Variants in OSBPL3 observed in about 807,000 individuals in gnomAD.
OSBPL3 encodes the protein oxysterol binding protein like 3.
OSBPL3 carries 65 observed loss-of-function variants against 120.1 expected under a neutral mutation model. That is an observed-to-expected ratio of 0.54 (90% confidence interval 0.44 to 0.67). OSBPL3 has a LOEUF of 0.67. Among genes scored for constraint, OSBPL3 ranks in the 30% least tolerant of loss-of-function variants. The pLI is 0.00. For synonymous variants in OSBPL3, 416 were observed against 402.6 expected (o/e 1.03, Z -0.40); for missense variants, 1,004 against 1,082.1 (o/e 0.93, Z 1.01).
chr7:24,800,162 T>C lies in OSBPL3; in HGVS notation c.*21A>G, dbSNP rs375794053. The stretch of plus-strand genomic sequence containing the variant: ...CAAGCACAGGAGAAATACACTAATG[T>C]TATCTTTCTTCTTTACTTTTTCACC... On this transcript the variant is annotated 3_prime_UTR_variant, in exon 23 of 23. Transcript: ENST00000313367. 24 of 1,356,420 alleles carry C rather than the reference T, an allele frequency of 1.8e-5. No homozygotes were observed. The African/African-American group carries it at 2.4e-4, about 14-fold the overall frequency. The allele number at this position is 1,356,420 out of a possible 1,614,324, so 84.0% of individuals were successfully genotyped here.
chr7:24,907,991 A>C (rs1365377226), intron 1 of OSBPL3, among the ~76,000 whole-genome samples: 1 of 152,122 alleles, frequency 6.6e-6, no homozygotes, highest in Non-Finnish European at 1.5e-5. Flanking sequence ...TTTACTGTTC[A>C]CTGGAATCAT....
intron 1 of OSBPL3, among the ~76,000 whole-genome samples, chr7:24,974,121 G>C (rs1817319220): frequency 6.6e-6 from 1 of 152,142 alleles, no homozygotes; most frequent in Non-Finnish European, 1.5e-5. Flanking sequence ...GCGCTTCTCA[G>C]TAAGGACTAG....
intron 1 of OSBPL3, among the ~76,000 whole-genome samples, chr7:24,970,227 C>T (rs2128536430): frequency 6.6e-6 from 1 of 151,394 alleles, no homozygotes; most frequent in East Asian, 1.9e-4. Context: ...TCTGCCTCAG[C>T]CTCCGAGTAG....
In OSBPL3 at chr7:24,842,316, T is replaced by A. The variant is rs1438814407; in HGVS notation, c.1364A>T (p.Gln455Leu). 1 of 1,613,844 alleles carries A rather than the reference T, an allele frequency of 6.2e-7. No individual in the cohort carries two copies. Among genetic ancestry groups the A allele is most frequent in the Non-Finnish European group, 8.5e-7 (1 of 1,179,908 alleles). ...TDSLSEFFDA[Q>L]EVLLSPSSSE... Reference sequence around the variant, plus strand: ...AGAGCTTGGAGATAACAGAACTTCCTGAGCATCAAAAAACTCAGAAAGGGA... The same window carrying A: ...AGAGCTTGGAGATAACAGAACTTCCAGAGCATCAAAAAACTCAGAAAGGGA... Residue 455 changes from glutamine (Q) to leucine (L), a missense_variant, in exon 13 of 23, where the codon CAG becomes CTG. Gln to Leu is a moderately radical substitution (Grantham distance 113). Transcript: ENST00000313367.
Position 24,798,032 on chromosome 7 carries a change from T to C in OSBPL3, c.*2151A>G, listed in dbSNP as rs1246898826. ...GTTTAAATTTCAGAAAAGCCCTTTA[T>C]AGATGCTAGTACTGACTAGATTTTA... is the stretch of plus-strand genomic sequence containing the variant. On this transcript the variant is annotated 3_prime_UTR_variant, in exon 23 of 23. Transcript: ENST00000313367. The surrounding 1 kb of genome is among the most constrained non-coding windows in gnomAD (Gnocchi z 4.6). 1 of 152,330 alleles carries C rather than the reference T, an allele frequency of 6.6e-6. No homozygotes were observed. The highest frequency in any genetic ancestry group is 6.5e-5 in the Admixed American group (1 of 15,302). 9.4% of individuals were successfully genotyped at this position (152,330 alleles called of 1,614,324 possible). A position where few individuals can be genotyped will look rare whatever the true frequency, so the allele number is the denominator to read the frequency against.
At chr7:24,845,886 A>G (rs1346323491) in intron 12 of OSBPL3, among the ~76,000 whole-genome samples, 1 of 152,198 alleles carries the variant, frequency 6.6e-6, no homozygotes, top group Non-Finnish European at 1.5e-5. Context: ...GTGGGTAGTG[A>G]GTGCCTATAA....
intron 1 of OSBPL3, among the ~76,000 whole-genome samples, chr7:24,914,574 G>A (rs1276742064): frequency 1.3e-5 from 2 of 151,732 alleles, no homozygotes; most frequent in Non-Finnish European, 2.9e-5. Context: ...ACACATTTCT[G>A]CCTCCTGAAA....
chr7:24,953,825 AG>A lies in OSBPL3; in HGVS notation c.-150+26060del. On this transcript the variant is annotated intron_variant, in intron 1 of 22. Coordinates refer to ENST00000313367, the MANE Select transcript of OSBPL3 (RefSeq NM_015550.4). The surrounding 1 kb of genome is among the most constrained non-coding windows in gnomAD (Gnocchi z 4.3). ...CATTAAATGTTCAACGGCATGAACT[AG>A]AAGCAGGCAGCATGTATCCCAGGAA... Among the ~76,000 whole-genome samples the A allele has an allele frequency of 6.6e-6, 1 of 152,382 alleles. No homozygotes were observed. Among genetic ancestry groups the A allele is most frequent in the South Asian group, 2.1e-4 (1 of 4,826 alleles).
At chr7:24,880,915 A>C (rs1803590327) in intron 2 of OSBPL3, among the ~76,000 whole-genome samples, 1 of 152,204 alleles carries the variant, frequency 6.6e-6, no homozygotes, top group Admixed American at 6.5e-5. Context: ...TAATTTAAAA[A>C]AAACCTTTCA....
At chr7:24,843,729 GC>G (rs1390794174) in intron 12 of OSBPL3, among the ~76,000 whole-genome samples, 1 of 152,088 alleles carries the variant, frequency 6.6e-6, no homozygotes, top group East Asian at 1.9e-4. Flanking sequence ...TGAAAACCAA[GC>G]CTCTTCTCTA....
At chr7:24,846,623 T>C (rs181863308) in intron 12 of OSBPL3, among the ~76,000 whole-genome samples, 125 of 152,252 alleles carry the variant, frequency 8.2e-4, no homozygotes, top group African/African-American at 2.6e-3. Flanking sequence ...ACTGATAACT[T>C]GATAATATTA....
Position 24,831,231 on chromosome 7 carries a change from A to C in OSBPL3, c.1747-326T>G, listed in dbSNP as rs1796328968. On this transcript the variant is annotated intron_variant, in intron 15 of 22. Transcript: ENST00000313367. The surrounding 1 kb of genome is among the most constrained non-coding windows in gnomAD (Gnocchi z 4.0). Reference sequence around the variant, plus strand: ...GCTGAGTCCAGTACTTTTAAGCCTGACAGTATCTGAGGATCCTAATATGGT... The same window carrying C: ...GCTGAGTCCAGTACTTTTAAGCCTGCCAGTATCTGAGGATCCTAATATGGT... Among the ~76,000 whole-genome samples the C allele has an allele frequency of 6.6e-6, 1 of 152,176 alleles. No individual in the cohort carries two copies. Among genetic ancestry groups the C allele is most frequent in the Non-Finnish European group, 1.5e-5 (1 of 68,026 alleles).
chr7:24,840,724 G>A lies in OSBPL3; in HGVS notation c.1461C>T (p.Leu487=). The change falls in exon 14 of 23, where the codon CTC becomes CTT. Residue 487 remains leucine, a synonymous_variant. Transcript: ENST00000313367. ...GTCTCTCATTATCTAAATCATTACT[G>A]AGATTATCTAAGGAAAGATTATCAC... ...DISDNLSLDN[L]SNDLDNERQT... The A allele has an allele frequency of 6.9e-7, 1 of 1,457,426 alleles. No individual in the cohort carries two copies. The highest frequency in any genetic ancestry group is 9.4e-7 in the Non-Finnish European group (1 of 1,060,126). The allele number at this position is 1,457,426 out of a possible 1,614,324, so 90.3% of individuals were successfully genotyped here.
Position 24,798,960 on chromosome 7 carries a change from G to T in OSBPL3, c.*1223C>A, listed in dbSNP as rs528853895. 1 of 152,512 alleles carries T rather than the reference G, an allele frequency of 6.6e-6. No homozygotes were observed. Among genetic ancestry groups the T allele is most frequent in the Non-Finnish European group, 1.5e-5 (1 of 68,010 alleles). The allele number at this position is 152,512 out of a possible 1,614,324, so 9.4% of individuals were successfully genotyped here. A position where few individuals can be genotyped will look rare whatever the true frequency, so the allele number is the denominator to read the frequency against. On this transcript the variant is annotated 3_prime_UTR_variant, in exon 23 of 23. Coordinates refer to ENST00000313367, the MANE Select transcript of OSBPL3 (RefSeq NM_015550.4). This position sits in a 1 kb window ranked among gnomAD's most constrained non-coding sequence, Gnocchi z 4.6. ...AAATAACACATTTAAAAAGACGAAG[G>T]TTCCCCTTTCAGTAGTTATAATCTG...
chr7:24,939,691 C>T lies in OSBPL3; in HGVS notation c.-150+40195G>A, dbSNP rs1418452337. On this transcript the variant is annotated intron_variant, in intron 1 of 22. Transcript: ENST00000313367. This position sits in a 1 kb window ranked among gnomAD's most constrained non-coding sequence, Gnocchi z 4.2. ...TCCATTACTTGCAGCCAAAATCACCCTAATAGTCAACAGTATCAAACATTA... is the reference window on the plus strand; with the variant it reads ...TCCATTACTTGCAGCCAAAATCACCTTAATAGTCAACAGTATCAAACATTA... Among the ~76,000 whole-genome samples the T allele has an allele frequency of 6.6e-6, 1 of 152,092 alleles. No homozygotes were observed. Among genetic ancestry groups the T allele is most frequent in the Non-Finnish European group, 1.5e-5 (1 of 68,028 alleles).
chr7:24,978,564 T>C (rs1817838017), intron 1 of OSBPL3, among the ~76,000 whole-genome samples: 1 of 152,196 alleles, frequency 6.6e-6, no homozygotes, highest in African/African-American at 2.4e-5. Flanking sequence ...CATAAGAACC[T>C]AGGCCTGCTT....
chr7:24,845,169 G>A (rs1290411882), intron 12 of OSBPL3, among the ~76,000 whole-genome samples: 1 of 151,726 alleles, frequency 6.6e-6, no homozygotes, highest in Non-Finnish European at 1.5e-5. Flanking sequence ...GGAAACCTCT[G>A]TTTTTTCTAC....
At position 24,816,593 on chromosome 7, in the gene OSBPL3, A is replaced by G; in HGVS notation, c.2027+17T>C. 6.3e-7 allele frequency: 1 copy of G among 1,583,804 alleles called. No individual in the cohort carries two copies. The highest frequency in any genetic ancestry group is 8.7e-7 in the Non-Finnish European group (1 of 1,152,522). On this transcript the variant is annotated intron_variant, in intron 18 of 22. Transcript: ENST00000313367. ...CTAAATTCCATAAAGCTCCTTAACC[A>G]CAGAAGAAGAACTTACACTGGCAGA...
At chr7:24,950,963 T>A (rs899894814) in intron 1 of OSBPL3, among the ~76,000 whole-genome samples, 3 of 152,204 alleles carry the variant, frequency 2.0e-5, no homozygotes, top group Non-Finnish European at 4.4e-5. Flanking sequence ...TCATATTTTA[T>A]ATAAAGCTAA....
Sources: gnomAD v4.1 joint callset for allele counts (sites outside exome capture counted in the v4.1 genomes callset) on GRCh38, gnomAD v4.1.1 for gene constraint, Gnocchi (gnomAD v3.1) non-coding constraint, MANE v1.5 for transcripts, NCBI Gene and HGNC (gene_info 2026-07-23, HGNC 2026-07-21) for gene names.